The following CLASP1 variants were observed in gnomAD, a reference collection of about 807,000 sequenced individuals.
CLASP1 encodes cytoplasmic linker associated protein 1, also known as CLIP-associating protein 1.
CLASP1 carries 38 observed loss-of-function variants against 192.3 expected under a neutral mutation model. The ratio of observed to expected loss-of-function variants is 0.20; its 90% CI spans 0.15 to 0.26. The LOEUF (loss-of-function observed/expected upper bound fraction) is 0.26. Ranked by LOEUF, CLASP1 falls within the 10% of genes least tolerant of loss-of-function variation. The probability of loss-of-function intolerance (pLI) is 1.00; values close to 1 mark genes in which losing one functional copy is unlikely to be tolerated. For missense variants in CLASP1, 1,433 were observed against 1,932.5 expected (o/e 0.74, Z 4.85); for synonymous variants, 691 against 712.8 (o/e 0.97, Z 0.49).
At chr2:121,353,957 T>C (rs1300529896) in intron 37 of CLASP1, among the ~76,000 whole-genome samples, 1 of 152,114 alleles carries the variant, frequency 6.6e-6, no homozygotes, top group Non-Finnish European at 1.5e-5. Context: ...TTTAAGTTTT[T>C]TGTAGGGGTC....
At chr2:121,530,440 G>A (rs1238979745) in intron 2 of CLASP1, 115 bp from the exon 3 acceptor site, 26 of 684,982 alleles carry the variant, frequency 3.8e-5, no homozygotes, top group Non-Finnish European at 6.7e-5. Context: ...CGAGAGTCCA[G>A]ACGCATGCCG....
intron 8 of CLASP1, among the ~76,000 whole-genome samples, chr2:121,491,375 C>T (rs1408240603): frequency 6.6e-6 from 1 of 152,178 alleles, no homozygotes; most frequent in African/African-American, 2.4e-5. Context: ...TAGCTTTGCT[C>T]AAGAAACTCA....
intron 8 of CLASP1, among the ~76,000 whole-genome samples, chr2:121,500,472 A>AG (rs2093717489): frequency 6.6e-6 from 1 of 151,584 alleles, no homozygotes; most frequent in African/African-American, 2.4e-5. Context: ...GGAAGGAAGG[A>AG]AGAAGAAAAG....
intron 1 of CLASP1, among the ~76,000 whole-genome samples, chr2:121,607,064 G>A (rs187660652): frequency 8.6e-5 from 13 of 150,590 alleles, no homozygotes; most frequent in East Asian, 5.9e-4. Context: ...AAAAAAGGCC[G>A]GGTACGGTGG....
At chr2:121,583,043 C>A (rs994855391) in intron 2 of CLASP1, among the ~76,000 whole-genome samples, 1 of 152,114 alleles carries the variant, frequency 6.6e-6, no homozygotes, top group Non-Finnish European at 1.5e-5. Flanking sequence ...GCCTCAGCCT[C>A]CCAAAGTGCT....
At chr2:121,639,817 T>C (rs952639354) in intron 1 of CLASP1, among the ~76,000 whole-genome samples, 5 of 145,644 alleles carry the variant, frequency 3.4e-5, no homozygotes, top group African/African-American at 1.3e-4. Context: ...AAGCCAAGAT[T>C]GCACCATGGC....
intron 37 of CLASP1, among the ~76,000 whole-genome samples, chr2:121,353,983 G>A (rs931692382): frequency 2.0e-5 from 3 of 152,088 alleles, no homozygotes; most frequent in South Asian, 4.1e-4. Context: ...ATGTGAGATG[G>A]GGTCTCGCTA....
chr2:121,539,783 C>G (rs78059203), intron 2 of CLASP1, among the ~76,000 whole-genome samples: 1 of 152,138 alleles, frequency 6.6e-6, no homozygotes, highest in African/African-American at 2.4e-5. Context: ...AACTGATAGG[C>G]AAGCCAGTAG....
chr2:121,618,117 G>A (rs1296735810), intron 1 of CLASP1, among the ~76,000 whole-genome samples: 1 of 152,176 alleles, frequency 6.6e-6, no homozygotes, highest in East Asian at 1.9e-4. Flanking sequence ...AGCACTTAAG[G>A]TGCAATTCTA....
chr2:121,566,723 C>CA (rs1435989070), intron 2 of CLASP1, among the ~76,000 whole-genome samples: 2 of 152,204 alleles, frequency 1.3e-5, no homozygotes, highest in Non-Finnish European at 2.9e-5. Context: ...AACTAGTACC[C>CA]AACTAGTTCC....
chr2:121,440,096 T>TA (rs535955256), intron 19 of CLASP1, among the ~76,000 whole-genome samples: 19,356 of 106,698 alleles, frequency 0.18, 2,178 homozygotes, highest in African/African-American at 0.35. Context: ...AAAAAAAAAC[T>TA]AAAAAAAAAA....
At chr2:121,477,899 T>C (rs1245958279) in intron 8 of CLASP1, among the ~76,000 whole-genome samples, 2 of 152,200 alleles carry the variant, frequency 1.3e-5, no homozygotes, top group Non-Finnish European at 2.9e-5. Context: ...AGAAGGACTA[T>C]TGTCACTTTG....
intron 37 of CLASP1, among the ~76,000 whole-genome samples, chr2:121,358,615 G>C (rs953467529): frequency 6.6e-6 from 1 of 152,222 alleles, no homozygotes; most frequent in African/African-American, 2.4e-5. Context: ...CTGGCTGGGC[G>C]AATCAGAAAC....
intron 39 of CLASP1, 62 bp downstream of exon 40, chr2:121,346,976 G>A (rs1246923261): frequency 1.9e-6 from 2 of 1,029,116 alleles, no homozygotes; most frequent in East Asian, 5.3e-5. Flanking sequence ...GCAGTCAAAT[G>A]GATTTATGAC....
At chr2:121,478,813 CCA>C (rs2092134719) in intron 8 of CLASP1, among the ~76,000 whole-genome samples, 3 of 23,638 alleles carry the variant, frequency 1.3e-4, no homozygotes, top group Non-Finnish European at 2.9e-4. Flanking sequence ...CACACACACC[CCA>C]CACACAACCA....
rs1183976083 is a variant in CLASP1 at position 121,410,985 on chromosome 2, A to C, written c.2321-16T>G. On this transcript the variant is annotated splice_polypyrimidine_tract_variant and intron_variant, in intron 23 of 39. Coordinates refer to ENST00000263710, the Ensembl canonical transcript of CLASP1. ...CCAAACCGATCTATTTAAAAAACAAAAGCAAAAGATGTGTCACTTTAATTC... is the reference window on the plus strand; with the variant it reads ...CCAAACCGATCTATTTAAAAAACAACAGCAAAAGATGTGTCACTTTAATTC... The C allele has an allele frequency of 6.6e-7, 1 of 1,510,838 alleles. No homozygotes were observed. The highest frequency in any genetic ancestry group is 1.2e-5 in the South Asian group (1 of 83,492). 93.6% of individuals were successfully genotyped at this position (1,510,838 alleles called of 1,614,324 possible).
At chr2:121,647,776 A>G (rs937247979) in intron 1 of CLASP1, among the ~76,000 whole-genome samples, 1 of 152,234 alleles carries the variant, frequency 6.6e-6, no homozygotes. Flanking sequence ...TAACACAGAG[A>G]TACAATATTT....
chr2:121,483,552 GTGTATATATATGTA>G (rs914279729), intron 8 of CLASP1, among the ~76,000 whole-genome samples: 45 of 150,910 alleles, frequency 3.0e-4, no homozygotes, highest in Non-Finnish European at 5.3e-4. Flanking sequence ...ATATATGTGT[GTGTATATATATGTA>G]TGTATATATA....
intron 33 of CLASP1, among the ~76,000 whole-genome samples, chr2:121,377,944 C>G (rs926700320): frequency 6.6e-6 from 1 of 151,688 alleles, no homozygotes; most frequent in African/African-American, 2.4e-5. Flanking sequence ...ACTGAAGGCA[C>G]GAGATAATGA....
Sources: allele counts gnomAD v4.1 joint callset (sites outside exome capture counted in the v4.1 genomes callset), GRCh38; gene constraint gnomAD v4.1.1; transcripts MANE v1.5; gene names NCBI Gene and HGNC (gene_info 2026-07-23, HGNC 2026-07-21).